Variants in PLSCR2 observed in about 807,000 individuals in gnomAD.
PLSCR2 encodes PL scramblase 2.
PLSCR2 carries 18 observed loss-of-function variants against 25.3 expected under a neutral mutation model. The ratio of observed to expected loss-of-function variants is 0.71; its 90% CI spans 0.49 to 1.06. The LOEUF is 1.06. PLSCR2 is among the 50% of genes least tolerant of loss of function. The pLI, the probability that PLSCR2 is intolerant of heterozygous loss-of-function variation, is 0.00. For synonymous variants in PLSCR2, 88 were observed against 87.3 expected, an observed-to-expected ratio of 1.01 and a Z score of -0.04; for missense variants, 243 against 269.5, an observed-to-expected ratio of 0.90 and a Z score of 0.69.
chr3:146,455,416 G>A (rs774695174), exon 4 of PLSCR2: 2 of 1,613,096 alleles, frequency 1.2e-6, no homozygotes, highest in South Asian at 1.1e-5. Flanking sequence ...GCCCAAAGCT[G>A]TTCTTGATTT....
At chr3:146,491,361 C>T (rs768541684) in intron 1 of PLSCR2, among the ~76,000 whole-genome samples, 2 of 152,012 alleles carry the variant, frequency 1.3e-5, no homozygotes, top group African/African-American at 2.4e-5. Flanking sequence ...CAGTATCTTA[C>T]AGGGTTCTCT....
In PLSCR2 at chr3:146,445,263, C is replaced by T. The variant is rs116007267; in HGVS notation, c.646-3442G>A. On this transcript the variant is annotated intron_variant, in intron 6 of 6. Transcript: ENST00000610787. ...TACTTACTATTACCAGTGAGTTTTG[C>T]ACCTTCAGGTGATTTCTTGTTGCTC... Among the ~76,000 whole-genome samples the T allele has an allele frequency of 5.8e-3, 876 of 152,162 alleles. 9 individuals are homozygous for T. Among genetic ancestry groups the T allele is most frequent in the African/African-American group, 0.02 (834 of 41,534 alleles).
In PLSCR2 at chr3:146,447,558, G is replaced by A. The variant is rs2040627555; in HGVS notation, c.645+1648C>T. ...TAGTGTCCTATTCTACTGTAGGGGG[G>A]TGGTATACAAGTTGCAAGAAAAAGA... is the stretch of plus-strand genomic sequence containing the variant. On this transcript the variant is annotated intron_variant, in intron 6 of 6. Transcript: ENST00000610787. Among the ~76,000 whole-genome samples the A allele has an allele frequency of 1.3e-5, 2 of 152,144 alleles. 1 individual carries two copies. Among genetic ancestry groups the A allele is most frequent in the South Asian group, 4.1e-4 (2 of 4,830 alleles).
At chr3:146,483,281 G>A (rs1171555977) in intron 1 of PLSCR2, among the ~76,000 whole-genome samples, 3 of 145,608 alleles carry the variant, frequency 2.1e-5, no homozygotes, top group South Asian at 2.2e-4. Flanking sequence ...CGTGGTGAAC[G>A]GGGGGTGGGG....
chr3:146,457,095 T>C (rs1209182232), intron 3 of PLSCR2, among the ~76,000 whole-genome samples: 2 of 152,114 alleles, frequency 1.3e-5, no homozygotes, highest in African/African-American at 2.4e-5. Flanking sequence ...CCGAGAACAT[T>C]ATAAATATCT....
intron 6 of PLSCR2, among the ~76,000 whole-genome samples, chr3:146,443,028 A>G (rs550030417): frequency 1.3e-5 from 2 of 152,024 alleles, no homozygotes; most frequent in Non-Finnish European, 2.9e-5. Flanking sequence ...CAGCCCATGG[A>G]TTGGGGGAAA....
At chr3:146,476,713 T>C (rs537735966) in intron 1 of PLSCR2, among the ~76,000 whole-genome samples, 1 of 152,330 alleles carries the variant, frequency 6.6e-6, no homozygotes, top group South Asian at 2.1e-4. Context: ...GCACTCCCCA[T>C]AGTACAGCAC....
intron 1 of PLSCR2, among the ~76,000 whole-genome samples, chr3:146,488,312 GT>G (rs1222792300): frequency 6.6e-6 from 1 of 151,988 alleles, no homozygotes; most frequent in Non-Finnish European, 1.5e-5. Context: ...TGCAACAAAA[GT>G]AAAAATTAAC....
At chr3:146,462,449 T>TTTTTA (rs1553784187), upstream of PLSCR2, among the ~76,000 whole-genome samples, 4 of 141,994 alleles carry the variant, frequency 2.8e-5, no homozygotes, top group Non-Finnish European at 6.0e-5. Flanking sequence ...TTCTTTTTTC[T>TTTTTA]TTTTCTTTTC....
chr3:146,421,610 T>C (rs2039155136), intron 2 of PLSCR2, among the ~76,000 whole-genome samples: 1 of 152,084 alleles, frequency 6.6e-6, no homozygotes, highest in South Asian at 2.1e-4. Context: ...ACCCACTGTC[T>C]CTCAAAGTTG....
chr3:146,468,412 C>T (rs1038328535), intron 1 of PLSCR2, among the ~76,000 whole-genome samples: 1 of 152,224 alleles, frequency 6.6e-6, no homozygotes, highest in Non-Finnish European at 1.5e-5. Context: ...GAAGAAACAA[C>T]GACTGCCTGT....
At chr3:146,462,421 C>A (rs2041635833), upstream of PLSCR2, among the ~76,000 whole-genome samples, 2 of 151,770 alleles carry the variant, frequency 1.3e-5, no homozygotes, top group Non-Finnish European at 2.9e-5. Flanking sequence ...TGTTGGTCAG[C>A]CCACGACGAT....
rs73867601 is a variant in PLSCR2, at chr3:146,404,828, G to T, written c.101-8907C>A. On this transcript the variant is annotated intron_variant and NMD_transcript_variant, in intron 2 of 3. Coordinates refer to the PLSCR2 transcript ENST00000463633. ...AATAGGCAAAAAAAAAAAAGGGGGGGGGTGGTGGTTAACTGGTCCCAGGTA... is the reference window on the plus strand; with the variant it reads ...AATAGGCAAAAAAAAAAAAGGGGGGTGGTGGTGGTTAACTGGTCCCAGGTA... Among the ~76,000 whole-genome samples, 1,062 of 150,436 alleles carry T rather than the reference G, an allele frequency of 7.1e-3. 26 individuals are homozygous for T. Among genetic ancestry groups the T allele is most frequent in the African/African-American group, 0.023 (932 of 41,094 alleles).
At chr3:146,451,025 A>T (rs1270873826) in intron 5 of PLSCR2, among the ~76,000 whole-genome samples, 1 of 151,794 alleles carries the variant, frequency 6.6e-6, no homozygotes, top group Non-Finnish European at 1.5e-5. Context: ...AAACAAAACA[A>T]AAAAATATGG....
chr3:146,431,046 C>A (rs2039527432), downstream of PLSCR2, among the ~76,000 whole-genome samples: 1 of 152,126 alleles, frequency 6.6e-6, no homozygotes, highest in Non-Finnish European at 1.5e-5. Flanking sequence ...GTGTTAGGCC[C>A]TCATGGAGCA....
chr3:146,467,423 A>T (rs1291282640), intron 1 of PLSCR2, among the ~76,000 whole-genome samples: 1 of 152,124 alleles, frequency 6.6e-6, no homozygotes, highest in African/African-American at 2.4e-5. Flanking sequence ...TATTTACATG[A>T]TATGTAAATT....
At chr3:146,416,043 C>A (rs1300858745) in intron 2 of PLSCR2, among the ~76,000 whole-genome samples, 1 of 152,042 alleles carries the variant, frequency 6.6e-6, no homozygotes, top group East Asian at 1.9e-4. Flanking sequence ...CTCTGTTTCC[C>A]GGGTTCACAC....
At chr3:146,408,737 A>C (rs2038741096) in intron 2 of PLSCR2, among the ~76,000 whole-genome samples, 1 of 152,062 alleles carries the variant, frequency 6.6e-6, no homozygotes, top group Non-Finnish European at 1.5e-5. Flanking sequence ...GCTCTAAAAA[A>C]CACTCCTGGT....
At chr3:146,427,294 A>G (rs1298496611) in intron 2 of PLSCR2, among the ~76,000 whole-genome samples, 1 of 152,190 alleles carries the variant, frequency 6.6e-6, no homozygotes, top group Non-Finnish European at 1.5e-5. Flanking sequence ...CAGTCAAGCC[A>G]TGGTGCTAAA....
Sources: gnomAD v4.1 joint callset for allele counts (sites outside exome capture counted in the v4.1 genomes callset) on GRCh38, gnomAD v4.1.1 for gene constraint, MANE v1.5 for transcripts, NCBI Gene and HGNC (gene_info 2026-07-23, HGNC 2026-07-21) for gene names.